The following LRRTM4 variants were observed in gnomAD, a reference collection of about 807,000 sequenced individuals.
The protein encoded by LRRTM4 is leucine-rich repeat transmembrane neuronal protein 4.
LRRTM4 carries 25 observed loss-of-function variants against 47.6 expected under a neutral mutation model. The observed-to-expected ratio is 0.53, with a 90% confidence interval of 0.38 to 0.73. The LOEUF is 0.73. Among genes scored for constraint, LRRTM4 ranks in the 30% least tolerant of loss-of-function variants. The pLI, the probability that LRRTM4 is intolerant of heterozygous loss-of-function variation, is 0.00. For missense variants in LRRTM4, 638 were observed against 713.4 expected (o/e 0.89, Z 1.20); for synonymous variants, 311 against 269.5 (o/e 1.15, Z -1.51).
intron 3 of LRRTM4, among the ~76,000 whole-genome samples, chr2:77,193,682 T>A (rs1389471469): frequency 6.6e-6 from 1 of 152,112 alleles, no homozygotes; most frequent in African/African-American, 2.4e-5. Flanking sequence ...TGGTGGCACA[T>A]GCTTGTAATC....
rs576257563 is a variant in LRRTM4 at position 77,183,592 on chromosome 2, A to T, written c.1551+334726T>A. On this transcript the variant is annotated intron_variant, in intron 3 of 3. Transcript: ENST00000409884. ...CATCCCATTACTGGGTATATACCCA[A>T]AGGATTATAAATCATGCTGCTATAA... Among the ~76,000 whole-genome samples, 4 of 152,336 alleles carry T rather than the reference A, an allele frequency of 2.6e-5. No individual in the cohort carries two copies. The East Asian group carries it at 5.8e-4, about 22-fold the overall frequency.
intron 3 of LRRTM4, among the ~76,000 whole-genome samples, chr2:76,994,714 A>T (rs1677138542): frequency 6.6e-6 from 1 of 152,040 alleles, no homozygotes; most frequent in African/African-American, 2.4e-5. Flanking sequence ...TGATTGATAC[A>T]CTGAAGATTT....
At chr2:76,937,794 G>A (rs759704319) in intron 3 of LRRTM4, among the ~76,000 whole-genome samples, 2 of 151,918 alleles carry the variant, frequency 1.3e-5, no homozygotes, top group South Asian at 2.1e-4. Context: ...TCTCGATCTC[G>A]TGATCTCGTG....
chr2:76,974,137 T>C (rs1463531247), intron 3 of LRRTM4, among the ~76,000 whole-genome samples: 5 of 120,452 alleles, frequency 4.2e-5, no homozygotes, highest in Non-Finnish European at 6.5e-5. Flanking sequence ...TGCTCATATA[T>C]ATACATATAT....
Position 76,947,346 on chromosome 2 carries a change from G to A in LRRTM4, c.1552-198430C>T, listed in dbSNP as rs1368687726. Among the ~76,000 whole-genome samples, 4 of 151,808 alleles carry A rather than the reference G, an allele frequency of 2.6e-5. No homozygotes were observed. In the East Asian group the frequency reaches 7.8e-4, roughly 29 times the overall value. ...GAGAGTTAAAAGCTAGATTTGATAG[G>A]CTGCATAACTTCTCTAGAAAAACAA... On this transcript the variant is annotated intron_variant, in intron 3 of 3. Coordinates refer to ENST00000409884, the MANE Select transcript of LRRTM4 (RefSeq NM_001134745.3).
At chr2:77,231,693 C>A (rs1674970105) in intron 3 of LRRTM4, among the ~76,000 whole-genome samples, 1 of 152,066 alleles carries the variant, frequency 6.6e-6, no homozygotes. Flanking sequence ...CAGGAATCCT[C>A]TCAGGTGCTG....
intron 3 of LRRTM4, among the ~76,000 whole-genome samples, chr2:77,366,667 T>C (rs1672473761): frequency 6.6e-6 from 1 of 151,922 alleles, no homozygotes; most frequent in African/African-American, 2.4e-5. Flanking sequence ...CAGTGACCCT[T>C]ATCTGAGTAA....
intron 3 of LRRTM4, among the ~76,000 whole-genome samples, chr2:77,309,521 A>G (rs1032700861): frequency 2.0e-5 from 3 of 152,180 alleles, no homozygotes; most frequent in African/African-American, 7.2e-5. Flanking sequence ...AGGCTCACCA[A>G]GACCCTTTGG....
At chr2:77,040,063 A>AGGTG (rs1399360741) in intron 3 of LRRTM4, among the ~76,000 whole-genome samples, 1 of 151,280 alleles carries the variant, frequency 6.6e-6, no homozygotes, top group Non-Finnish European at 1.5e-5. Flanking sequence ...ATTATAAGAC[A>AGGTG]GGTGGGTAGG....
Position 77,045,976 on chromosome 2 carries a change from AC to A in LRRTM4, c.1552-297061del, listed in dbSNP as rs1480408714. Among the ~76,000 whole-genome samples the A allele has an allele frequency of 3.3e-5, 5 of 152,100 alleles. No homozygotes were observed. The South Asian group carries it at 6.2e-4, about 19-fold the overall frequency. The stretch of plus-strand genomic sequence containing the variant: ...TCTTAAGAAGTACATTTAATATAGA[AC>A]AATTTCCTTCCTTTTTCTTTTAATT... On this transcript the variant is annotated intron_variant, in intron 3 of 3. Transcript: ENST00000409884.
In LRRTM4 at chr2:76,881,937, TTTAC is replaced by T. The variant is rs761294372; in HGVS notation, c.1552-133025_1552-133022del. 8.7e-4 allele frequency among the ~76,000 whole-genome samples: 133 copies of T among 152,236 alleles called. 1 individual carries two copies. The Middle Eastern group carries it at 0.01, about 12-fold the overall frequency. ...GTGTCAGAAATACGCTGTGAATCTC[TTTAC>T]TTAACTTCCTGATTGGTGAAAGTGG... On this transcript the variant is annotated intron_variant, in intron 3 of 3. Coordinates refer to ENST00000409884, the MANE Select transcript of LRRTM4 (RefSeq NM_001134745.3).
At chr2:77,026,424 C>T (rs919051873) in intron 3 of LRRTM4, among the ~76,000 whole-genome samples, 1 of 152,020 alleles carries the variant, frequency 6.6e-6, no homozygotes, top group East Asian at 1.9e-4. Context: ...GTTTTTAACC[C>T]ACAGAATGAT....
At chr2:76,998,518 TAACAACAATAATGTCAAC>T in intron 3 of LRRTM4, among the ~76,000 whole-genome samples, 1 of 152,030 alleles carries the variant, frequency 6.6e-6, no homozygotes, top group African/African-American at 2.4e-5. Flanking sequence ...AGAACAACAG[TAACAACAATAATGTCAAC>T]AACCAACTAT....
chr2:77,028,826 G>A (rs1678543190), intron 3 of LRRTM4, among the ~76,000 whole-genome samples: 1 of 151,614 alleles, frequency 6.6e-6, no homozygotes. Context: ...ATGAGGTCAG[G>A]AGATCAAGAC....
intron 3 of LRRTM4, among the ~76,000 whole-genome samples, chr2:77,428,037 G>A (rs574255938): frequency 1.6e-4 from 25 of 152,272 alleles, no homozygotes; most frequent in Admixed American, 1.4e-3. Flanking sequence ...TTGTGAGAGT[G>A]AGTGAGTTCT....
Position 77,350,360 on chromosome 2 carries a change from A to AAG in LRRTM4, c.1551+167957_1551+167958insCT, listed in dbSNP as rs1558701229. On this transcript the variant is annotated intron_variant, in intron 3 of 3. Transcript: ENST00000409884. ...AAAAAAAAAAAAAAAAAAAAAAAAA[A>AAG]AAAGAAATTGGAAATGCTGAGGTGT... Among the ~76,000 whole-genome samples, 20 of 143,774 alleles carry AAG rather than the reference A, an allele frequency of 1.4e-4. 1 individual carries two copies. Among genetic ancestry groups the AAG allele is most frequent in the African/African-American group, 5.0e-4 (18 of 35,768 alleles). The allele number at this position is 143,774 out of a possible 152,430, so 94.3% of individuals were successfully genotyped here.
At chr2:77,136,144 T>C (rs894369961) in intron 3 of LRRTM4, among the ~76,000 whole-genome samples, 2 of 152,120 alleles carry the variant, frequency 1.3e-5, no homozygotes, top group South Asian at 2.1e-4. Context: ...TCTCCCAGCA[T>C]GGAGTTTGAG....
chr2:77,080,779 T>A (rs1680503917), intron 3 of LRRTM4, among the ~76,000 whole-genome samples: 1 of 152,208 alleles, frequency 6.6e-6, no homozygotes, highest in South Asian at 2.1e-4. Context: ...TGGGCCATCA[T>A]CATCTCTTGC....
chr2:76,774,406 G>A (rs181881945), intron 3 of LRRTM4, among the ~76,000 whole-genome samples: 17 of 152,118 alleles, frequency 1.1e-4, no homozygotes, highest in African/African-American at 4.1e-4. Context: ...TGGCCAGTGT[G>A]GTCTCAATCT....
Sources: allele counts gnomAD v4.1 joint callset (sites outside exome capture counted in the v4.1 genomes callset), GRCh38; gene constraint gnomAD v4.1.1; transcripts MANE v1.5; gene names NCBI Gene and HGNC (gene_info 2026-07-23, HGNC 2026-07-21).